SRD5A2: variants seen among roughly 807,000 people sequenced by gnomAD.
SRD5A2 encodes the protein 3-oxo-5-alpha-steroid 4-dehydrogenase 2.
A neutral mutation model predicts 27.4 loss-of-function variants in SRD5A2; 30 were observed. That is an observed-to-expected ratio of 1.10 (90% CI 0.82 to 1.49). SRD5A2 has a LOEUF of 1.49. SRD5A2 is among the 40% of genes most tolerant of loss of function. The pLI, the probability that SRD5A2 is intolerant of heterozygous loss-of-function variation, is 0.00. For missense variants in SRD5A2, 348 were observed against 323.4 expected (o/e 1.08, Z -0.58); for synonymous variants, 141 against 133.6 (o/e 1.06, Z -0.38).
upstream of SRD5A2, among the ~76,000 whole-genome samples, chr2:31,584,062 G>A (rs1049888586): frequency 1.3e-5 from 2 of 152,182 alleles, no homozygotes; most frequent in Admixed American, 6.5e-5. Context: ...GGACCTGGCT[G>A]ATTAGGGCAG....
the SRD5A2 span, among the ~76,000 whole-genome samples, chr2:31,607,714 G>A: frequency 2.6e-3 from 399 of 152,068 alleles, 2 homozygotes; most frequent in Non-Finnish European, 4.4e-3. Context: ...TGACATCTGC[G>A]TAAATGCAAA....
chr2:31,628,786 G>C, the SRD5A2 span, among the ~76,000 whole-genome samples: 1 of 152,126 alleles, frequency 6.6e-6, no homozygotes, highest in Non-Finnish European at 1.5e-5. Context: ...CTTCTGGCTT[G>C]TAGGGTTTCT....
At chr2:31,529,109 T>C (rs1258585815) in intron 4 of SRD5A2, among the ~76,000 whole-genome samples, 198 bp downstream of exon 4, 1 of 152,244 alleles carries the variant, frequency 6.6e-6, no homozygotes, top group Admixed American at 6.5e-5. Flanking sequence ...AAAATTTTAT[T>C]ACTGCTACTC....
chr2:31,609,891 T>C, the SRD5A2 span, among the ~76,000 whole-genome samples: 1 of 151,948 alleles, frequency 6.6e-6, no homozygotes, highest in Non-Finnish European at 1.5e-5. Context: ...AATGAAGAGA[T>C]AAATAGCCCA....
the SRD5A2 span, among the ~76,000 whole-genome samples, chr2:31,626,817 A>G: frequency 1.3e-5 from 2 of 150,512 alleles, no homozygotes; most frequent in Admixed American, 6.6e-5. Context: ...CTAAAATTCT[A>G]TTTTTTTTTG....
the SRD5A2 span, among the ~76,000 whole-genome samples, chr2:31,637,127 T>C: frequency 1.3e-5 from 2 of 152,152 alleles, no homozygotes; most frequent in Non-Finnish European, 1.5e-5. Flanking sequence ...GAGAGATTTT[T>C]TACTATGGCT....
At chr2:31,540,522 T>C (rs1024555429) in intron 1 of SRD5A2, among the ~76,000 whole-genome samples, 1 of 152,094 alleles carries the variant, frequency 6.6e-6, no homozygotes, top group African/African-American at 2.4e-5. Flanking sequence ...CATAAAAACA[T>C]TAAATAAAGG....
chr2:31,528,533 C>T (rs1359964644), intron 4 of SRD5A2, among the ~76,000 whole-genome samples: 2 of 152,090 alleles, frequency 1.3e-5, no homozygotes, highest in East Asian at 1.9e-4. Context: ...TTTGGGAGGC[C>T]GAGGCAGGCA....
intron 1 of SRD5A2, among the ~76,000 whole-genome samples, chr2:31,575,489 A>G (rs955815537): frequency 6.6e-6 from 1 of 152,200 alleles, no homozygotes; most frequent in Non-Finnish European, 1.5e-5. Context: ...CAGCATCACA[A>G]CTGGATTTAG....
chr2:31,587,820 C>A, the SRD5A2 span, among the ~76,000 whole-genome samples: 1 of 151,950 alleles, frequency 6.6e-6, no homozygotes, highest in African/African-American at 2.4e-5. Context: ...ACCTAGATGA[C>A]GGGTTGAAGG....
chr2:31,557,208 T>C (rs1358593801), intron 1 of SRD5A2, among the ~76,000 whole-genome samples: 5 of 152,180 alleles, frequency 3.3e-5, no homozygotes, highest in African/African-American at 9.7e-5. Context: ...TTTAGAAATA[T>C]TAAAGGGGAG....
chr2:31,552,809 G>A (rs1188361862), intron 1 of SRD5A2, among the ~76,000 whole-genome samples: 1 of 152,142 alleles, frequency 6.6e-6, no homozygotes, highest in African/African-American at 2.4e-5. Flanking sequence ...CATAAAAACT[G>A]GGAGAGATGG....
chr2:31,619,288 C>T, the SRD5A2 span, among the ~76,000 whole-genome samples: 5 of 151,944 alleles, frequency 3.3e-5, no homozygotes, highest in South Asian at 2.1e-4. Flanking sequence ...ACCACATGAC[C>T]GAGTAATTCT....
At chr2:31,586,699 C>G in the SRD5A2 span, among the ~76,000 whole-genome samples, 1 of 152,108 alleles carries the variant, frequency 6.6e-6, no homozygotes, top group Non-Finnish European at 1.5e-5. Context: ...ATTGTGGTAC[C>G]CTCTAAAGCA....
chr2:31,594,500 A>G, the SRD5A2 span, among the ~76,000 whole-genome samples: 56 of 152,212 alleles, frequency 3.7e-4, no homozygotes, highest in Non-Finnish European at 5.9e-4. Flanking sequence ...ACAGGAAAAT[A>G]TAACAATTCT....
intron 4 of SRD5A2, 128 bp downstream of exon 4, chr2:31,529,179 A>T: frequency 7.5e-7 from 1 of 1,325,586 alleles, no homozygotes; most frequent in South Asian, 1.5e-5. Flanking sequence ...GCTAACCCAG[A>T]TTATAGTATC....
At chr2:31,614,459 C>A in the SRD5A2 span, among the ~76,000 whole-genome samples, 1 of 152,184 alleles carries the variant, frequency 6.6e-6, no homozygotes, top group African/African-American at 2.4e-5. Flanking sequence ...GGGTACAGCT[C>A]CTCTCCTGGC....
chr2:31,529,683 A>G (rs1183406680), intron 3 of SRD5A2, among the ~76,000 whole-genome samples: 2 of 152,190 alleles, frequency 1.3e-5, no homozygotes, highest in African/African-American at 2.4e-5. Context: ...GAGTGGCCTC[A>G]ACTGCTTAAC....
chr2:31,648,753 C>G, the SRD5A2 span, among the ~76,000 whole-genome samples: 4 of 152,210 alleles, frequency 2.6e-5, no homozygotes, highest in Non-Finnish European at 1.5e-5. Context: ...TCATTACGAA[C>G]ACGGCTGTTC....
Sources: allele counts gnomAD v4.1 joint callset (sites outside exome capture counted in the v4.1 genomes callset), GRCh38; gene constraint gnomAD v4.1.1; transcripts MANE v1.5; gene names NCBI Gene and HGNC (gene_info 2026-07-23, HGNC 2026-07-21).